SHOX2: variants seen among roughly 807,000 people sequenced by gnomAD.
SHOX2 encodes short stature homeobox protein 2.
In SHOX2, 13 loss-of-function variants were observed where a neutral mutation model predicts 31.3. The ratio of observed to expected loss-of-function variants is 0.42; its 90% CI spans 0.27 to 0.66. SHOX2 has a LOEUF of 0.66. SHOX2 is among the 30% of genes least tolerant of loss of function. SHOX2 has a pLI of 0.27. For synonymous variants in SHOX2, 244 were observed against 196.2 expected, an observed-to-expected ratio of 1.24 and a Z score of -2.04; for missense variants, 473 against 443.0, an observed-to-expected ratio of 1.07 and a Z score of -0.61.
chr3:158,102,926 A>G (rs781724408), intron 1 of SHOX2, 40 bp from the exon 2 acceptor site: 1 of 1,515,666 alleles, frequency 6.6e-7, no homozygotes. Context: ...GTGCATCCAC[A>G]CGAACACACA....
chr3:158,105,042 C>CCCCCCCCCCCCCCCCCCCCACCCCA, intron 1 of SHOX2: 1 of 481,514 alleles, frequency 2.1e-6, no homozygotes, highest in Non-Finnish European at 4.0e-6. Context: ...GCCCCCCCCC[C>CCCCCCCCCCCCCCCCCCCCACCCCA]CCGCCCCCAA....
chr3:158,100,026 G>T, intron 3 of SHOX2, 78 bp from the exon 4 acceptor site: 3 of 1,227,676 alleles, frequency 2.4e-6, no homozygotes, highest in Non-Finnish European at 3.5e-6. Context: ...GTACAAGACA[G>T]AACGAATTCC....
At chr3:158,103,095 C>T in intron 1 of SHOX2, 1 of 612,080 alleles carries the variant, frequency 1.6e-6, no homozygotes, top group South Asian at 1.9e-5. Context: ...AAGGTCAAGT[C>T]TGAGCGGCCG....
intron 1 of SHOX2, chr3:158,105,221 G>A (rs1017660326): frequency 3.6e-5 from 27 of 754,794 alleles, no homozygotes; most frequent in Middle Eastern, 6.6e-4. Context: ...CAAACACCTA[G>A]GCGACCGGAG....
chr3:158,105,172 T>C, intron 1 of SHOX2: 1 of 1,232,802 alleles, frequency 8.1e-7, no homozygotes, highest in Non-Finnish European at 1.2e-6. Flanking sequence ...GATCCAAAGA[T>C]TCAGGGGCTC....
chr3:158,106,045 G>C lies in SHOX2; in HGVS notation c.-21C>G. On this transcript the variant is annotated 5_prime_UTR_variant, in exon 1 of 5. Coordinates refer to ENST00000483851, the MANE Select transcript of SHOX2 (RefSeq NM_001163678.2). ...TCCATCGCCGCCGCACGTCAGCCCGGCGCTCAACCTCTGCCAGCAGAGCCC... is the reference window on the plus strand; with the variant it reads ...TCCATCGCCGCCGCACGTCAGCCCGCCGCTCAACCTCTGCCAGCAGAGCCC... 9 of 1,611,750 alleles carry C rather than the reference G, an allele frequency of 5.6e-6. No individual in the cohort carries two copies. The highest frequency in any genetic ancestry group is 7.6e-6 in the Non-Finnish European group (9 of 1,178,918).
rs753751441 is a variant in SHOX2, at chr3:158,102,881, G to A, written c.352C>T (p.Pro118Ser). 2 of 1,613,746 alleles carry A rather than the reference G, an allele frequency of 1.2e-6. No individual in the cohort carries two copies. Among genetic ancestry groups the A allele is most frequent in the Non-Finnish European group, 1.7e-6 (2 of 1,180,000 alleles). The change falls in exon 2 of 5, where the codon CCG becomes TCG. Residue 118 changes from proline to serine, a missense_variant. Physicochemically the swap from Pro to Ser is moderately conservative, Grantham distance 74. This residue lies in a region of SHOX2 where 276 missense variants were observed against 230.0 expected (regional missense o/e 1.20). Transcript: ENST00000483851. ...PGSPRLTEVS[P>S]ELKDRKEDAK... ...TCCTCTTTGCGATCTTTCAGCTCCG[G>A]GGACACTGGAGGGGGCACCCCAGCG...
Position 158,098,116 on chromosome 3 carries a change from C to G in SHOX2, c.871G>C (p.Ala291Pro). 1.2e-6 allele frequency: 2 copies of G among 1,610,552 alleles called. No homozygotes were observed. The highest frequency in any genetic ancestry group is 1.7e-6 in the Non-Finnish European group (2 of 1,179,130). ...SASAASVVAA[A>P]AAAKTTSKNS... ...TTGCTGGTGGTCTTGGCGGCTGCTG[C>G]GGCCGCCACTACCGAGGCGGCGGAA... Residue 291 changes from alanine (A) to proline (P), a missense_variant, in exon 5 of 5, where the codon GCA becomes CCA. Ala to Pro is a conservative substitution (Grantham distance 27). Around this residue, in one of 3 missense-constraint regions of SHOX2, gnomAD observed 182 missense variants for 167.2 expected, o/e 1.09. Transcript: ENST00000483851.
In SHOX2 at chr3:158,096,429, G is replaced by C. The variant is rs910538136; in HGVS notation, c.*1598C>G. The C allele has an allele frequency of 3.9e-5, 5 of 128,210 alleles. No individual in the cohort carries two copies. In the East Asian group the frequency reaches 7.0e-4, roughly 18 times the overall value. 7.9% of individuals were successfully genotyped at this position (128,210 alleles called of 1,614,324 possible). ...CCAAAAGAAAAAAAAAAACAAAAAA[G>C]AAACAAACAAACAAAAAAAAAAGGT... On this transcript the variant is annotated 3_prime_UTR_variant, in exon 5 of 5. Transcript: ENST00000483851.
rs67436323 is a variant in SHOX2, at chr3:158,096,930, A to ATATACATATG, written c.*1096_*1097insCATATGTATA. The ATATACATATG allele has an allele frequency of 9.8e-6, 1 of 102,186 alleles. No homozygotes were observed. The highest frequency in any genetic ancestry group is 2.0e-5 in the Non-Finnish European group (1 of 50,326). The allele number at this position is 102,186 out of a possible 1,614,324, so 6.3% of individuals were successfully genotyped here. A position where few individuals can be genotyped will look rare whatever the true frequency, so the allele number is the denominator to read the frequency against. Reference sequence around the variant, plus strand: ...TATATATATATATATATATATATATATGGCAAATATATGATATATATATAT... The same window carrying ATATACATATG: ...TATATATATATATATATATATATATATATACATATGTGGCAAATATATGATATATATATAT... On this transcript the variant is annotated 3_prime_UTR_variant, in exon 5 of 5. Coordinates refer to ENST00000483851, the MANE Select transcript of SHOX2 (RefSeq NM_001163678.2).
At position 158,099,948 on chromosome 3, in the gene SHOX2, C is replaced by G. The variant is rs984539392; in HGVS notation, c.614G>C (p.Gly205Ala). The G allele has an allele frequency of 1.9e-6, 3 of 1,613,404 alleles. No individual in the cohort carries two copies. The African/African-American group carries it at 4.0e-5, about 22-fold the overall frequency. Residue 205 changes from glycine to alanine, a missense_variant and splice_region_variant, in exon 4 of 5, where the codon GGT becomes GCT. Transcript: ENST00000483851. The part of the protein sequence containing the change: ...CRKQENQLHK[G>A]VLIGAASQFE... Reference sequence around the variant, plus strand: ...CTGGCTGGCGGCCCCTATGAGAACACCTGTAAAAAGTACAAGAGAAAAATA... The same window carrying G: ...CTGGCTGGCGGCCCCTATGAGAACAGCTGTAAAAAGTACAAGAGAAAAATA...
chr3:158,105,695 G>A lies in SHOX2; in HGVS notation c.330C>T (p.Ser110=). The A allele has an allele frequency of 6.6e-7, 1 of 1,523,534 alleles. No homozygotes were observed. 94.4% of individuals were successfully genotyped at this position (1,523,534 alleles called of 1,614,324 possible). The change falls in exon 1 of 5, where the codon AGC becomes AGT. Residue 110 remains serine (S), a synonymous_variant. Transcript: ENST00000483851. Reference sequence around the variant, plus strand: ...GGTCGTTACCCTCCGTCAGTCGCGGGCTGCCCGGCTCCCTGCTTCTCTCGG... The same window carrying A: ...GGTCGTTACCCTCCGTCAGTCGCGGACTGCCCGGCTCCCTGCTTCTCTCGG... ...GAAERSREPG[S]PRLTEVSPEL...
Position 158,099,856 on chromosome 3 carries a change from T to G in SHOX2, c.702+4A>C. On this transcript the variant is annotated splice_donor_region_variant and intron_variant, in intron 4 of 4. Transcript: ENST00000483851. ...AAAACAGCTTGAAACTAGGCTGTAC[T>G]TGCCTGCTGAAATGGCATCCTTAAA... 6.2e-7 allele frequency: 1 copy of G among 1,610,936 alleles called. No homozygotes were observed. Among genetic ancestry groups the G allele is most frequent in the Non-Finnish European group, 8.5e-7 (1 of 1,177,182 alleles).
In SHOX2 at chr3:158,105,994, A is replaced by G; in HGVS notation, c.31T>C (p.Ser11Pro). The change falls in exon 1 of 5, where the codon TCT becomes CCT. Residue 11 changes from serine to proline, a missense_variant. Ser to Pro is a moderately conservative substitution (Grantham distance 74, BLOSUM62 -1). Around this residue, in one of 3 missense-constraint regions of SHOX2, gnomAD observed 276 missense variants for 230.0 expected, o/e 1.20. Coordinates refer to ENST00000483851, the MANE Select transcript of SHOX2 (RefSeq NM_001163678.2). MEELTAFVSK[S>P]FDQKVKEKKE... ...TTCTCCTTCACTTTCTGGTCAAAAG[A>G]CTTGGAGACGAACGCCGTAAGTTCT... is the stretch of plus-strand genomic sequence containing the variant. The G allele has an allele frequency of 6.2e-7, 1 of 1,613,062 alleles. No individual in the cohort carries two copies. The highest frequency in any genetic ancestry group is 8.5e-7 in the Non-Finnish European group (1 of 1,179,752).
At position 158,098,177 on chromosome 3, in the gene SHOX2, G is replaced by A; in HGVS notation, c.810C>T (p.Phe270=). 6 of 1,613,630 alleles carry A rather than the reference G, an allele frequency of 3.7e-6. No homozygotes were observed. Among genetic ancestry groups the A allele is most frequent in the East Asian group, 2.2e-5 (1 of 44,880 alleles). Residue 270 remains phenylalanine, a synonymous_variant, in exon 5 of 5, where the codon TTC becomes TTT. Transcript: ENST00000483851. ...CGGCCAGCGTGGCGAGCGGCAGTCCGAAGGGCGGTGCTGGGAACATCATGT... is the reference window on the plus strand; with the variant it reads ...CGGCCAGCGTGGCGAGCGGCAGTCCAAAGGGCGGTGCTGGGAACATCATGT... ...APYMMFPAPP[F]GLPLATLAAD...
intron 2 of SHOX2, among the ~76,000 whole-genome samples, chr3:158,102,372 A>T (rs1713544972): frequency 6.6e-6 from 1 of 152,022 alleles, no homozygotes; most frequent in Admixed American, 6.6e-5. Flanking sequence ...TAGGCCCATT[A>T]GGATTAAACC....
At chr3:158,102,508 T>C (rs1268184961) in intron 2 of SHOX2, among the ~76,000 whole-genome samples, 170 bp downstream of exon 2, 4 of 150,972 alleles carry the variant, frequency 2.6e-5, no homozygotes, top group African/African-American at 9.7e-5. Context: ...GGGAGTGCTA[T>C]AGGACTAAGA....
rs1247798823 is a variant in SHOX2 at position 158,096,870 on chromosome 3, C to A, written c.*1157G>T. On this transcript the variant is annotated 3_prime_UTR_variant, in exon 5 of 5. Coordinates refer to ENST00000483851, the MANE Select transcript of SHOX2 (RefSeq NM_001163678.2). ...TTTCTGACTTTTTTCTTTTGTTCCCCAGGATCAAAGACAGGGCAAATATAT... is the reference window on the plus strand; with the variant it reads ...TTTCTGACTTTTTTCTTTTGTTCCCAAGGATCAAAGACAGGGCAAATATAT... The A allele has an allele frequency of 2.7e-5, 3 of 112,506 alleles. No individual in the cohort carries two copies. The Admixed American group carries it at 3.2e-4, about 12-fold the overall frequency. 7.0% of individuals were successfully genotyped at this position (112,506 alleles called of 1,614,324 possible).
chr3:158,102,612 C>T, intron 2 of SHOX2, 66 bp downstream of exon 2: 1 of 1,356,002 alleles, frequency 7.4e-7, no homozygotes, highest in Non-Finnish European at 1.1e-6. Context: ...GTGTGTCCCC[C>T]AAGCCTCTTT....
Sources: gnomAD v4.1 joint callset for allele counts (sites outside exome capture counted in the v4.1 genomes callset) on GRCh38, gnomAD v4.1.1 for gene constraint, gnomAD v4.1.1 regional missense constraint, MANE v1.5 for transcripts, NCBI Gene and HGNC (gene_info 2026-07-23, HGNC 2026-07-21) for gene names.